The following RGS5 variants were observed in gnomAD, a reference collection of about 807,000 sequenced individuals.
RGS5 encodes regulator of G-protein signalling 5.
Under a neutral mutation model 18.9 loss-of-function variants are expected in RGS5, and 20 were observed. That is an observed-to-expected ratio of 1.06 (90% confidence interval 0.74 to 1.54). RGS5 has a LOEUF of 1.54. Ranked by LOEUF, RGS5 falls within the 40% of genes most tolerant of loss-of-function variation. The probability of loss-of-function intolerance (pLI) is 0.00; values close to 1 mark genes in which losing one functional copy is unlikely to be tolerated. For missense variants in RGS5, 201 were observed against 211.8 expected, an observed-to-expected ratio of 0.95 and a Z score of 0.32; for synonymous variants, 57 against 76.2, an observed-to-expected ratio of 0.75 and a Z score of 1.31.
At chr1:163,299,042 ACT>A (rs1428625454) in intron 2 of RGS5, among the ~76,000 whole-genome samples, 1 of 152,162 alleles carries the variant, frequency 6.6e-6, no homozygotes, top group Non-Finnish European at 1.5e-5. Context: ...AAATTCAAAC[ACT>A]GTTTCATGGG....
rs192901112 is a variant in RGS5 at position 163,180,765 on chromosome 1, T to G, written c.45-12397A>C. The stretch of plus-strand genomic sequence containing the variant: ...GCTGGAGTGCAGTGGTGTAATCTCG[T>G]CTCACTGCAAGCTGCGCCTCCCGGG... On this transcript the variant is annotated intron_variant, in intron 1 of 4. Coordinates refer to ENST00000313961, the MANE Select transcript of RGS5 (RefSeq NM_003617.4). Among the ~76,000 whole-genome samples the G allele has an allele frequency of 5.4e-3, 768 of 142,634 alleles. 7 individuals carry two copies. Among genetic ancestry groups the G allele is most frequent in the African/African-American group, 0.018 (710 of 38,528 alleles). The allele number at this position is 142,634 out of a possible 152,430, so 93.6% of individuals were successfully genotyped here. A position where few individuals can be genotyped will look rare whatever the true frequency, so the allele number is the denominator to read the frequency against.
chr1:163,321,060 T>C (rs1650190599), intron 1 of RGS5, among the ~76,000 whole-genome samples: 1 of 152,192 alleles, frequency 6.6e-6, no homozygotes, highest in Non-Finnish European at 1.5e-5. Flanking sequence ...TCCTAACTTG[T>C]GTTAAATGCA....
At chr1:163,186,914 T>C (rs971031856) in intron 1 of RGS5, among the ~76,000 whole-genome samples, 8 of 152,146 alleles carry the variant, frequency 5.3e-5, no homozygotes, top group Non-Finnish European at 1.5e-5. Context: ...TTGAATTCAA[T>C]AGACTTTTAT....
intron 3 of RGS5, among the ~76,000 whole-genome samples, chr1:163,154,587 A>G (rs1340521284): frequency 6.6e-6 from 1 of 152,044 alleles, no homozygotes; most frequent in African/African-American, 2.4e-5. Flanking sequence ...CAAGGAAAAA[A>G]AAACCAATTT....
chr1:163,276,059 A>C (rs1648844883), intron 2 of RGS5, among the ~76,000 whole-genome samples: 2 of 151,930 alleles, frequency 1.3e-5, no homozygotes, highest in South Asian at 4.1e-4. Flanking sequence ...CAATGGCGCG[A>C]TCTTGGCTCA....
chr1:163,266,977 A>C (rs1171718225), intron 2 of RGS5, among the ~76,000 whole-genome samples: 1 of 152,136 alleles, frequency 6.6e-6, no homozygotes. Flanking sequence ...AGAGAGAAAG[A>C]GGGAAAGAAC....
chr1:163,205,888 C>A (rs1486299179), upstream of RGS5, among the ~76,000 whole-genome samples: 1 of 152,140 alleles, frequency 6.6e-6, no homozygotes, highest in African/African-American at 2.4e-5. Flanking sequence ...TTTATCACTT[C>A]TAATTTGGGG....
intron 2 of RGS5, among the ~76,000 whole-genome samples, chr1:163,228,593 C>CT (rs1657621936): frequency 6.6e-6 from 1 of 152,204 alleles, no homozygotes; most frequent in African/African-American, 2.4e-5. Flanking sequence ...TCCCCATTGT[C>CT]TTGGTGATTA....
intron 2 of RGS5, among the ~76,000 whole-genome samples, chr1:163,233,137 T>C (rs930350848): frequency 6.6e-6 from 1 of 152,254 alleles, no homozygotes; most frequent in African/African-American, 2.4e-5. Flanking sequence ...TATTTCTCCA[T>C]GGTTAGATTT....
intron 2 of RGS5, among the ~76,000 whole-genome samples, chr1:163,266,119 A>G (rs1303864137): frequency 6.8e-6 from 1 of 146,032 alleles, no homozygotes; most frequent in East Asian, 2.0e-4. Flanking sequence ...CACCCCATCA[A>G]CCTCAGAGGG....
upstream of RGS5, among the ~76,000 whole-genome samples, chr1:163,204,309 CCACACACA>C (rs10616125): frequency 0.027 from 3,953 of 145,060 alleles, 151 homozygotes; most frequent in African/African-American, 0.091. Flanking sequence ...TGGCTCTAAA[CCACACACA>C]CACACACACA....
upstream of RGS5, among the ~76,000 whole-genome samples, chr1:163,203,601 T>C (rs1334131657): frequency 6.6e-6 from 1 of 152,216 alleles, no homozygotes. Flanking sequence ...AATCCATATG[T>C]CTGTGAAGGT....
chr1:163,296,263 C>T (rs758829439), intron 2 of RGS5, among the ~76,000 whole-genome samples: 50 of 152,194 alleles, frequency 3.3e-4, no homozygotes, highest in Admixed American at 1.2e-3. Flanking sequence ...AACTATAGTA[C>T]ACCTGTTATT....
intron 2 of RGS5, among the ~76,000 whole-genome samples, chr1:163,273,727 TTG>T (rs1648780576): frequency 1.3e-5 from 2 of 152,168 alleles, no homozygotes; most frequent in Non-Finnish European, 2.9e-5. Context: ...TCACACTTTC[TTG>T]TTTCTTTCTA....
At chr1:163,211,552 T>C (rs1473645743) in intron 1 of RGS5, 1 of 152,190 alleles carries the variant, frequency 6.6e-6, no homozygotes, top group Non-Finnish European at 1.5e-5. Flanking sequence ...TGGAAAACTA[T>C]ATTCTGTTAC....
At chr1:163,167,364 T>C (rs1658097283) in intron 2 of RGS5, among the ~76,000 whole-genome samples, 2 of 152,208 alleles carry the variant, frequency 1.3e-5, no homozygotes, top group Non-Finnish European at 2.9e-5. Flanking sequence ...TGATTTTTCA[T>C]GGATATCTCT....
chr1:163,216,225 C>T (rs894853217), intron 1 of RGS5, among the ~76,000 whole-genome samples: 9 of 152,170 alleles, frequency 5.9e-5, no homozygotes, highest in African/African-American at 1.9e-4. Flanking sequence ...AGCCCCTTAT[C>T]GAAGGCTGCC....
intron 2 of RGS5, among the ~76,000 whole-genome samples, chr1:163,286,122 A>G (rs1005967474): frequency 2.1e-4 from 32 of 151,862 alleles, no homozygotes; most frequent in African/African-American, 5.6e-4. Context: ...AAATATTTGG[A>G]AAAAAAACCC....
chr1:163,174,424 T>C (rs1028801569), intron 1 of RGS5, among the ~76,000 whole-genome samples: 4 of 152,222 alleles, frequency 2.6e-5, no homozygotes, highest in African/African-American at 9.6e-5. Flanking sequence ...AATGAATGAA[T>C]GAACTGAATT....
Sources: allele counts gnomAD v4.1 joint callset (sites outside exome capture counted in the v4.1 genomes callset), GRCh38; gene constraint gnomAD v4.1.1; transcripts MANE v1.5; gene names NCBI Gene and HGNC (gene_info 2026-07-23, HGNC 2026-07-21).